Variants in DPYSL3 observed in about 807,000 individuals in gnomAD.
The protein encoded by DPYSL3 is dihydropyrimidinase like 3.
DPYSL3 carries 16 observed loss-of-function variants against 66.1 expected under a neutral mutation model. The ratio of observed to expected loss-of-function variants is 0.24; its 90% CI spans 0.16 to 0.37. The LOEUF (loss-of-function observed/expected upper bound fraction) is 0.37. DPYSL3 is among the 10% of genes least tolerant of loss of function. The pLI is 1.00. For missense variants in DPYSL3, 738 were observed against 916.2 expected (o/e 0.81, Z 2.51); for synonymous variants, 338 against 345.1 (o/e 0.98, Z 0.23).
chr5:147,452,718 C>T (rs1218327456), intron 1 of DPYSL3, among the ~76,000 whole-genome samples: 1 of 152,090 alleles, frequency 6.6e-6, no homozygotes, highest in African/African-American at 2.4e-5. Flanking sequence ...CCTAGCGCAT[C>T]TGACACCCGC....
rs1291778474 is a variant in DPYSL3 at position 147,417,355 on chromosome 5, T to TTCG, written c.655+1091_655+1092insCGA. 2.0e-5 allele frequency among the ~76,000 whole-genome samples: 3 copies of TTCG among 152,164 alleles called. No individual in the cohort carries two copies. The East Asian group carries it at 5.8e-4, about 29-fold the overall frequency. On this transcript the variant is annotated intron_variant, in intron 3 of 13. Coordinates refer to ENST00000343218, the MANE Select transcript of DPYSL3 (RefSeq NM_001197294.2). ...TAATGTCTGGGGCAACACCAGGACTTTCATCAGCAGGCAGCTGCTGAGAAG... is the reference window on the plus strand; with the variant it reads ...TAATGTCTGGGGCAACACCAGGACTTTCGTCATCAGCAGGCAGCTGCTGAGAAG...
intron 1 of DPYSL3, among the ~76,000 whole-genome samples, chr5:147,481,431 A>T (rs890421243): frequency 3.3e-5 from 5 of 152,272 alleles, no homozygotes; most frequent in African/African-American, 1.2e-4. Flanking sequence ...GGCAGAAGAC[A>T]GGAGGTTCCT....
intron 10 of DPYSL3, 64 bp downstream of exon 10, chr5:147,400,628 A>T: frequency 6.4e-7 from 1 of 1,570,138 alleles, no homozygotes; most frequent in Non-Finnish European, 8.7e-7. Context: ...TGGTGGCAGG[A>T]GGTTCTGATC....
Position 147,411,442 on chromosome 5 carries a change from C to A in DPYSL3, c.963+1166G>T, listed in dbSNP as rs17106686. 0.014 allele frequency among the ~76,000 whole-genome samples: 2,105 copies of A among 152,220 alleles called. 132 individuals are homozygous for A. In the East Asian group the frequency reaches 0.19, roughly 14 times the overall value. ...GATATGCCATCTCTGAGTAAAGATACCCACTGAGGTATATCACCTTAGGGG... is the reference window on the plus strand; with the variant it reads ...GATATGCCATCTCTGAGTAAAGATAACCACTGAGGTATATCACCTTAGGGG... On this transcript the variant is annotated intron_variant, in intron 6 of 13. Transcript: ENST00000343218.
At position 147,509,955 on chromosome 5, in the gene DPYSL3, A is replaced by C; in HGVS notation, c.-97T>G. ...GCCGAGCCACAGTGACTGTGGCGGGAGGAGGCGCCTGAGCCTTCGCGCCAG... is the reference window on the plus strand; with the variant it reads ...GCCGAGCCACAGTGACTGTGGCGGGCGGAGGCGCCTGAGCCTTCGCGCCAG... On this transcript the variant is annotated 5_prime_UTR_variant, in exon 1 of 14. Coordinates refer to ENST00000343218, the MANE Select transcript of DPYSL3 (RefSeq NM_001197294.2). The surrounding 1 kb of genome is among the most constrained non-coding windows in gnomAD (Gnocchi z 5.3). 3 of 1,431,946 alleles carry C rather than the reference A, an allele frequency of 2.1e-6. No individual in the cohort carries two copies. Among genetic ancestry groups the C allele is most frequent in the South Asian group, 3.0e-5 (2 of 67,574 alleles). The allele number at this position is 1,431,946 out of a possible 1,614,324, so 88.7% of individuals were successfully genotyped here.
rs563006751 is a variant in DPYSL3 at position 147,422,661 on chromosome 5, C to T, written c.470+2214G>A. Among the ~76,000 whole-genome samples the T allele has an allele frequency of 6.4e-4, 98 of 152,114 alleles. 1 individual carries two copies. Among genetic ancestry groups the T allele is most frequent in the African/African-American group, 2.3e-3 (94 of 41,482 alleles). ...TGTGGCACATATACATCATGAAATA[C>T]TATGCAGCCATAAAAAAAAAGAATG... On this transcript the variant is annotated intron_variant, in intron 2 of 13. Coordinates refer to ENST00000343218, the MANE Select transcript of DPYSL3 (RefSeq NM_001197294.2).
At chr5:147,423,448 C>T (rs1752124635) in intron 2 of DPYSL3, among the ~76,000 whole-genome samples, 1 of 152,174 alleles carries the variant, frequency 6.6e-6, no homozygotes, top group Admixed American at 6.5e-5. Flanking sequence ...AATAATAGTA[C>T]AGTACTTACT....
At chr5:147,482,892 T>C (rs992562886) in intron 1 of DPYSL3, among the ~76,000 whole-genome samples, 54 of 152,276 alleles carry the variant, frequency 3.5e-4, no homozygotes, top group African/African-American at 1.2e-3. Context: ...AATTACCTTC[T>C]TCACAAGGAG....
intron 8 of DPYSL3, among the ~76,000 whole-genome samples, chr5:147,403,227 A>G (rs1409871960): frequency 6.6e-6 from 1 of 152,206 alleles, no homozygotes; most frequent in East Asian, 1.9e-4. Flanking sequence ...GAGAGTAAAA[A>G]AAAATCCAAG....
intron 1 of DPYSL3, among the ~76,000 whole-genome samples, chr5:147,469,936 CT>C (rs1398586638): frequency 1.3e-5 from 2 of 152,208 alleles, no homozygotes; most frequent in Non-Finnish European, 2.9e-5. Flanking sequence ...ATGACTCCAG[CT>C]TCTGCAAAAG....
At chr5:147,453,468 C>A (rs1449404141) in intron 1 of DPYSL3, 1 of 1,469,646 alleles carries the variant, frequency 6.8e-7, no homozygotes. Flanking sequence ...GAGAAGCCGG[C>A]GGGATCCGAG....
In DPYSL3 at chr5:147,423,319, G is replaced by GTTCA. The variant is rs537366091; in HGVS notation, c.470+1552_470+1555dup. Among the ~76,000 whole-genome samples, 29 of 150,148 alleles carry GTTCA rather than the reference G, an allele frequency of 1.9e-4. No homozygotes were observed. In the East Asian group the frequency reaches 2.2e-3, roughly 11 times the overall value. On this transcript the variant is annotated intron_variant, in intron 2 of 13. Coordinates refer to ENST00000343218, the MANE Select transcript of DPYSL3 (RefSeq NM_001197294.2). ...ACAAATATTTTTGGTTCTTGGATTT[G>GTTCA]TTCATTCATTCATTCATTCACTCAC...
chr5:147,420,193 T>C (rs1206482379), intron 2 of DPYSL3, among the ~76,000 whole-genome samples: 2 of 152,206 alleles, frequency 1.3e-5, no homozygotes, highest in African/African-American at 4.8e-5. Flanking sequence ...ACTAGCTGTA[T>C]AACCTTGGCC....
chr5:147,437,861 A>G (rs1752442680), intron 1 of DPYSL3, among the ~76,000 whole-genome samples: 1 of 152,228 alleles, frequency 6.6e-6, no homozygotes, highest in Non-Finnish European at 1.5e-5. Flanking sequence ...GATGAAGCCC[A>G]GATTCTCAAT....
chr5:147,449,580 C>T (rs1192320608), intron 1 of DPYSL3, among the ~76,000 whole-genome samples: 1 of 152,224 alleles, frequency 6.6e-6, no homozygotes, highest in African/African-American at 2.4e-5. Context: ...GCAGCTGCTG[C>T]ACCATGGCAG....
intron 7 of DPYSL3, among the ~76,000 whole-genome samples, chr5:147,408,108 A>AG (rs1185193016): frequency 1.3e-5 from 2 of 152,118 alleles, no homozygotes; most frequent in Non-Finnish European, 2.9e-5. Flanking sequence ...ACTTTGCTCT[A>AG]GGTGCTAGAC....
chr5:147,502,015 T>G (rs2126460455), intron 1 of DPYSL3, among the ~76,000 whole-genome samples: 1 of 152,278 alleles, frequency 6.6e-6, no homozygotes, highest in African/African-American at 2.4e-5. Context: ...TACCATAATC[T>G]GTGTGGCTTA....
intron 1 of DPYSL3, among the ~76,000 whole-genome samples, chr5:147,449,318 C>T (rs1422604387): frequency 6.6e-6 from 1 of 152,230 alleles, no homozygotes. Flanking sequence ...GATCACAGAG[C>T]TCTGACTACA....
intron 1 of DPYSL3, among the ~76,000 whole-genome samples, chr5:147,440,773 C>T (rs534921277): frequency 5.9e-5 from 9 of 152,060 alleles, no homozygotes; most frequent in Non-Finnish European, 1.0e-4. Flanking sequence ...TTTATTTCTC[C>T]TAACATTAAA....
Sources: gnomAD v4.1 joint callset for allele counts (sites outside exome capture counted in the v4.1 genomes callset) on GRCh38, gnomAD v4.1.1 for gene constraint, Gnocchi (gnomAD v3.1) non-coding constraint, MANE v1.5 for transcripts, NCBI Gene and HGNC (gene_info 2026-07-23, HGNC 2026-07-21) for gene names.